CACNA1A: variants seen among roughly 807,000 people sequenced by gnomAD.
The protein encoded by CACNA1A is voltage-dependent P/Q-type calcium channel subunit alpha-1A.
CACNA1A carries 57 observed loss-of-function variants against 262.4 expected under a neutral mutation model. The ratio of observed to expected loss-of-function variants is 0.22; its 90% confidence interval spans 0.18 to 0.27. The LOEUF (loss-of-function observed/expected upper bound fraction) is 0.27. CACNA1A is among the 10% of genes least tolerant of loss of function. The pLI, the probability that CACNA1A is intolerant of heterozygous loss-of-function variation, is 1.00. For synonymous variants in CACNA1A, 1,431 were observed against 1,419.3 expected (o/e 1.01, Z -0.18); for missense variants, 2,526 against 3,562.8 (o/e 0.71, Z 7.41).
At chr19:13,456,980 T>C (rs1218113289) in intron 1 of CACNA1A, among the ~76,000 whole-genome samples, 3 of 152,166 alleles carry the variant, frequency 2.0e-5, no homozygotes, top group Non-Finnish European at 4.4e-5. Flanking sequence ...CCAGATGCGG[T>C]GGCTCATGCC....
At chr19:13,439,406 CT>C (rs34228712) in intron 3 of CACNA1A, among the ~76,000 whole-genome samples, 28,122 of 127,040 alleles carry the variant, frequency 0.22, 3,276 homozygotes, top group African/African-American at 0.37. Flanking sequence ...CTTCTTTTTT[CT>C]TTTTTTTTTT....
intron 3 of CACNA1A, among the ~76,000 whole-genome samples, chr19:13,402,779 C>CATATATATACATATATACACACAT (rs1277482313): frequency 8.8e-5 from 11 of 124,472 alleles, no homozygotes; most frequent in Admixed American, 1.6e-4. Flanking sequence ...CATATATATA[C>CATATATATACATATATACACACAT]ATATATATAC....
intron 37 of CACNA1A, chr19:13,227,207 G>A (rs1225453317): frequency 6.4e-6 from 2 of 311,212 alleles, no homozygotes; most frequent in Non-Finnish European, 1.2e-5. Context: ...AAAACACGAA[G>A]ACACTCATCA....
chr19:13,268,723 C>T (rs1455765809), intron 24 of CACNA1A, among the ~76,000 whole-genome samples: 3 of 151,994 alleles, frequency 2.0e-5, no homozygotes, highest in South Asian at 2.1e-4. Flanking sequence ...TGTGAGCCAC[C>T]GCGCCCGGCT....
At chr19:13,290,617 G>T (rs186884293) in intron 19 of CACNA1A, among the ~76,000 whole-genome samples, 1 of 152,022 alleles carries the variant, frequency 6.6e-6, no homozygotes, top group East Asian at 1.9e-4. Context: ...TCACTATGTT[G>T]TTCAGGCTGG....
chr19:13,443,510 T>A (rs899654173), intron 3 of CACNA1A, among the ~76,000 whole-genome samples: 53 of 152,118 alleles, frequency 3.5e-4, no homozygotes, highest in Admixed American at 1.6e-3. Flanking sequence ...CCTGGCCAAC[T>A]GAAAAAATAA....
chr19:13,269,976 G>A (rs1005967840), intron 24 of CACNA1A, among the ~76,000 whole-genome samples: 9 of 152,172 alleles, frequency 5.9e-5, no homozygotes, highest in Admixed American at 1.3e-4. Context: ...AACAAGGAAG[G>A]GAATAACCTT....
At chr19:13,489,542 G>A (rs1444315097) in intron 1 of CACNA1A, among the ~76,000 whole-genome samples, 3 of 152,188 alleles carry the variant, frequency 2.0e-5, no homozygotes, top group Non-Finnish European at 4.4e-5. Flanking sequence ...AAAGTGCTGG[G>A]ATTACAGGCA....
intron 5 of CACNA1A, 147 bp from the exon 6 acceptor site, chr19:13,359,946 T>C (rs2059073154): frequency 2.3e-6 from 1 of 439,156 alleles, no homozygotes; most frequent in Non-Finnish European, 3.9e-6. Flanking sequence ...ATGTTTGGCT[T>C]TGGGGGTCTA....
At chr19:13,410,515 CT>C (rs1212089887) in intron 3 of CACNA1A, among the ~76,000 whole-genome samples, 8,893 of 143,856 alleles carry the variant, frequency 0.062, 910 homozygotes, top group African/African-American at 0.22. Context: ...TGTGCCTGGC[CT>C]TTTTTTTTTC....
In CACNA1A at chr19:13,459,293, G is replaced by A. The variant is rs75461576; in HGVS notation, c.294-4081C>T. On this transcript the variant is annotated intron_variant, in intron 1 of 46. Coordinates refer to ENST00000360228, the MANE Select transcript of CACNA1A (RefSeq NM_001127222.2). ...ACCATAAAACCATCCCTTCCAGGCC[G>A]GAGGGAGAGTGGAACCTGCTTTCCA... Among the ~76,000 whole-genome samples, 285 of 152,222 alleles carry A rather than the reference G, an allele frequency of 1.9e-3. 1 individual carries two copies. Among genetic ancestry groups the A allele is most frequent in the African/African-American group, 6.6e-3 (274 of 41,546 alleles).
At chr19:13,360,603 A>G (rs1458815505) in intron 5 of CACNA1A, among the ~76,000 whole-genome samples, 1 of 150,716 alleles carries the variant, frequency 6.6e-6, no homozygotes, top group Non-Finnish European at 1.5e-5. Context: ...TCAGGCTCCC[A>G]AGTAGCTGGG....
intron 36 of CACNA1A, chr19:13,229,736 GT>G (rs2055596494): frequency 5.3e-6 from 1 of 189,608 alleles, no homozygotes; most frequent in Non-Finnish European, 1.1e-5. Flanking sequence ...GATGCTGTTG[GT>G]TTTCTCCCTG....
At position 13,283,197 on chromosome 19, in the gene CACNA1A, T is replaced by C. The variant is rs1462524553; in HGVS notation, c.3822+70A>G. 1.9e-6 allele frequency: 3 copies of C among 1,573,816 alleles called. No individual in the cohort carries two copies. Among genetic ancestry groups the C allele is most frequent in the Admixed American group, 1.7e-5 (1 of 58,228 alleles). On this transcript the variant is annotated intron_variant, in intron 22 of 46. Coordinates refer to ENST00000360228, the MANE Select transcript of CACNA1A (RefSeq NM_001127222.2). ...ACATCCCACCCTACCTATGAGCATTTTGGATGCAGGAGAAAGTGGCCTGAG... is the reference window on the plus strand; with the variant it reads ...ACATCCCACCCTACCTATGAGCATTCTGGATGCAGGAGAAAGTGGCCTGAG...
chr19:13,469,116 C>T (rs546692658), intron 1 of CACNA1A, among the ~76,000 whole-genome samples: 1 of 152,264 alleles, frequency 6.6e-6, no homozygotes, highest in East Asian at 1.9e-4. Flanking sequence ...GGAAGTCTTC[C>T]TTAAACCAGC....
At chr19:13,368,435 C>T (rs2059256354) in intron 4 of CACNA1A, among the ~76,000 whole-genome samples, 2 of 151,618 alleles carry the variant, frequency 1.3e-5, no homozygotes, top group Non-Finnish European at 2.9e-5. Context: ...TGGGCACAAG[C>T]GAGCCTCCTG....
At chr19:13,332,984 AC>A in intron 8 of CACNA1A, 59 bp from the exon 9 acceptor site, 2 of 1,371,684 alleles carry the variant, frequency 1.5e-6, no homozygotes, top group Non-Finnish European at 2.1e-6. Flanking sequence ...TCTCCCTTGG[AC>A]CAGGAAGAAG....
At chr19:13,484,112 T>C (rs1979690565) in intron 1 of CACNA1A, among the ~76,000 whole-genome samples, 1 of 152,166 alleles carries the variant, frequency 6.6e-6, no homozygotes, top group African/African-American at 2.4e-5. Context: ...ATCTTTTGTA[T>C]GATTTCAAGA....
chr19:13,326,293 C>T (rs111803270), intron 10 of CACNA1A, among the ~76,000 whole-genome samples: 2,216 of 149,762 alleles, frequency 0.015, 61 homozygotes, highest in African/African-American at 0.052. Context: ...CCCACCTGGG[C>T]GACAGAGTAA....
Sources: gnomAD v4.1 joint callset for allele counts (sites outside exome capture counted in the v4.1 genomes callset) on GRCh38, gnomAD v4.1.1 for gene constraint, MANE v1.5 for transcripts, NCBI Gene and HGNC (gene_info 2026-07-23, HGNC 2026-07-21) for gene names.